The following NDRG3 variants were observed in gnomAD, a reference collection of about 807,000 sequenced individuals.
The protein encoded by NDRG3 is NDRG family member 3, also known as protein NDRG3.
A neutral mutation model predicts 57.2 loss-of-function variants in NDRG3; 23 were observed. That is an observed-to-expected ratio of 0.40 (90% CI 0.29 to 0.57). The LOEUF (loss-of-function observed/expected upper bound fraction) is 0.57, where lower values mean the gene tolerates loss of function less well. NDRG3 is among the 20% of genes least tolerant of loss of function. The probability of loss-of-function intolerance (pLI) is 0.42; values close to 1 mark genes in which losing one functional copy is unlikely to be tolerated. For synonymous variants in NDRG3, 132 were observed against 162.6 expected, an observed-to-expected ratio of 0.81 and a Z score of 1.43; for missense variants, 384 against 457.3, an observed-to-expected ratio of 0.84 and a Z score of 1.46.
intron 6 of NDRG3, 132 bp from the exon 7 acceptor site, chr20:36,682,710 T>C: frequency 1.4e-6 from 1 of 704,568 alleles, no homozygotes; most frequent in Non-Finnish European, 2.4e-6. Flanking sequence ...TGGGCAAGTG[T>C]TTTTTTTCTT....
chr20:36,666,845 C>CT (rs1425384860), intron 9 of NDRG3, among the ~76,000 whole-genome samples: 1 of 152,004 alleles, frequency 6.6e-6, no homozygotes, highest in Non-Finnish European at 1.5e-5. Context: ...CATTTCTTTT[C>CT]TTTTTTTATA....
At chr20:36,689,300 C>T (rs1428635520) in intron 3 of NDRG3, among the ~76,000 whole-genome samples, 1 of 152,136 alleles carries the variant, frequency 6.6e-6, no homozygotes. Flanking sequence ...GCAAAACACA[C>T]CTTGTTATCT....
intron 1 of NDRG3, among the ~76,000 whole-genome samples, chr20:36,740,713 G>A (rs1200532870): frequency 6.6e-6 from 1 of 152,164 alleles, no homozygotes; most frequent in African/African-American, 2.4e-5. Flanking sequence ...ACAGAACTCT[G>A]AGTGGACTAC....
intron 13 of NDRG3, 95 bp downstream of exon 13, chr20:36,660,242 G>T: frequency 1.0e-6 from 1 of 979,762 alleles, no homozygotes. Context: ...ACCAAAGAGA[G>T]GGAAGCTTTG....
rs529606242 is a variant in NDRG3 at position 36,660,361 on chromosome 20, G to T, written c.834C>A (p.Asn278Lys). 2 of 1,608,392 alleles carry T rather than the reference G, an allele frequency of 1.2e-6. No homozygotes were observed. Among genetic ancestry groups the T allele is most frequent in the East Asian group, 4.5e-5 (2 of 44,550 alleles). The change falls in exon 13 of 16, where the codon AAC becomes AAA. Residue 278 changes from asparagine (N) to lysine (K), a missense_variant. Transcript: ENST00000349004. Reference sequence around the variant, plus strand: ...CCTTTAGCAAAGTTGTATTTATAGGGTTCAGGCGGGAATTGCATTCGACCT... The same window carrying T: ...CCTTTAGCAAAGTTGTATTTATAGGTTTCAGGCGGGAATTGCATTCGACCT... ...EAVVECNSRL[N>K]PINTTLLKMA...
Position 36,690,853 on chromosome 20 carries a change from C to A in NDRG3, c.94-2069G>T, listed in dbSNP as rs28629322. 5.9e-3 allele frequency among the ~76,000 whole-genome samples: 902 copies of A among 152,108 alleles called. 11 individuals are homozygous for A. Among genetic ancestry groups the A allele is most frequent in the African/African-American group, 0.02 (843 of 41,458 alleles). On this transcript the variant is annotated intron_variant, in intron 3 of 15. Coordinates refer to ENST00000349004, the MANE Select transcript of NDRG3 (RefSeq NM_032013.4). ...CCGAATAGAGCAGACAAAAGATGCA[C>A]CGAGCAAAGCTCAGGAACTGAATAA...
At chr20:36,658,851 C>T (rs1227665361) in intron 13 of NDRG3, among the ~76,000 whole-genome samples, 1 of 151,990 alleles carries the variant, frequency 6.6e-6, no homozygotes, top group African/African-American at 2.4e-5. Flanking sequence ...CCACCCTCAT[C>T]ATAAGAATTG....
At chr20:36,665,187 C>A in intron 11 of NDRG3, 49 bp downstream of exon 11, 1 of 1,608,298 alleles carries the variant, frequency 6.2e-7, no homozygotes. Context: ...CTATGAACAC[C>A]AAATTAGTCT....
intron 10 of NDRG3, among the ~76,000 whole-genome samples, chr20:36,665,887 C>T (rs1378337463): frequency 6.6e-6 from 1 of 152,120 alleles, no homozygotes; most frequent in Non-Finnish European, 1.5e-5. Flanking sequence ...TGAGCCACCA[C>T]GCCCAGCCCT....
chr20:36,680,637 C>A (rs933534541), intron 8 of NDRG3, among the ~76,000 whole-genome samples, 179 bp downstream of exon 8: 2 of 152,018 alleles, frequency 1.3e-5, no homozygotes, highest in African/African-American at 4.8e-5. Flanking sequence ...CAACGGAATC[C>A]CCTAGTGAGC....
intron 2 of NDRG3, among the ~76,000 whole-genome samples, chr20:36,709,401 T>G (rs1983740838): frequency 6.6e-6 from 1 of 152,132 alleles, no homozygotes; most frequent in Non-Finnish European, 1.5e-5. Flanking sequence ...CACAACAGAT[T>G]ACCAATCATA....
chr20:36,656,612 A>G, intron 13 of NDRG3, 80 bp from the exon 14 acceptor site: 1 of 1,482,862 alleles, frequency 6.7e-7, no homozygotes, highest in Non-Finnish European at 9.4e-7. Context: ...CCTTTCAAAC[A>G]GAACAAGATT....
Position 36,700,498 on chromosome 20 carries a change from C to A in NDRG3, c.93+6474G>T, listed in dbSNP as rs1033074920. 3 of 531,458 alleles carry A rather than the reference C, an allele frequency of 5.6e-6. No individual in the cohort carries two copies. In the African/African-American group the frequency reaches 5.8e-5, roughly 10 times the overall value. The allele number at this position is 531,458 out of a possible 1,614,324, so 32.9% of individuals were successfully genotyped here. A position where few individuals can be genotyped will look rare whatever the true frequency, so the allele number is the denominator to read the frequency against. ...TGAATGAACAGCTTGAAAAAAACTC[C>A]ATCTGAAGATGAATGTGCAGAGACC... On this transcript the variant is annotated intron_variant, in intron 3 of 15. Coordinates refer to ENST00000349004, the MANE Select transcript of NDRG3 (RefSeq NM_032013.4).
intron 2 of NDRG3, among the ~76,000 whole-genome samples, chr20:36,715,006 G>GTGTGTATATA (rs1984170473): frequency 3.7e-5 from 1 of 26,724 alleles, no homozygotes; most frequent in Non-Finnish European, 6.8e-5. Context: ...GTGTGTGTGT[G>GTGTGTATATA]TATATATATA....
At chr20:36,736,830 C>G (rs934790765) in intron 1 of NDRG3, among the ~76,000 whole-genome samples, 2 of 152,068 alleles carry the variant, frequency 1.3e-5, no homozygotes, top group African/African-American at 4.8e-5. Context: ...GAGATGCTAT[C>G]CCCCCTATCT....
At chr20:36,688,877 C>T (rs962651589) in intron 3 of NDRG3, 93 bp from the exon 4 acceptor site, 12 of 870,376 alleles carry the variant, frequency 1.4e-5, no homozygotes, top group South Asian at 9.4e-5. Context: ...CCGTTTCCCA[C>T]GAGCTGGGGC....
chr20:36,715,181 T>C lies in NDRG3; in HGVS notation c.57+6498A>G, dbSNP rs908833702. ...CTACAATCAGATAATCCTCTGCAGA[T>C]TGCTGAAAAAGTACAATTTCCACTC... is the stretch of plus-strand genomic sequence containing the variant. On this transcript the variant is annotated intron_variant, in intron 2 of 15. Coordinates refer to ENST00000349004, the MANE Select transcript of NDRG3 (RefSeq NM_032013.4). Among the ~76,000 whole-genome samples the C allele has an allele frequency of 2.0e-5, 3 of 151,256 alleles. No individual in the cohort carries two copies. In the Admixed American group the frequency reaches 2.0e-4, roughly 10 times the overall value.
At chr20:36,734,591 G>C (rs977607492) in intron 1 of NDRG3, among the ~76,000 whole-genome samples, 1 of 152,034 alleles carries the variant, frequency 6.6e-6, no homozygotes, top group Admixed American at 6.6e-5. Flanking sequence ...GTTACAGTTC[G>C]AGGCAGTATA....
rs1334831976 is a variant in NDRG3, at chr20:36,712,570, TATATATATATATATA to T, written c.58-5578_58-5564del. 3.0e-4 allele frequency among the ~76,000 whole-genome samples: 5 copies of T among 16,610 alleles called. No homozygotes were observed. In the East Asian group the frequency reaches 5.8e-3, roughly 19 times the overall value. The allele number at this position is 16,610 out of a possible 152,430, so 10.9% of individuals were successfully genotyped here. ...GCCACCATGCCCGGCTATATATATA[TATATATATATATATA>T]TATTTTTTTTTTTTTTTTTTTTTTT... On this transcript the variant is annotated intron_variant, in intron 2 of 15. Transcript: ENST00000349004.
Sources: allele counts gnomAD v4.1 joint callset (sites outside exome capture counted in the v4.1 genomes callset), GRCh38; gene constraint gnomAD v4.1.1; transcripts MANE v1.5; gene names NCBI Gene and HGNC (gene_info 2026-07-23, HGNC 2026-07-21).